The following ERC2 variants were observed in gnomAD, a reference collection of about 807,000 sequenced individuals.
ERC2 encodes ERC protein 2.
ERC2 carries 42 observed loss-of-function variants against 114.8 expected under a neutral mutation model. The ratio of observed to expected loss-of-function variants is 0.37; its 90% CI spans 0.29 to 0.47. The LOEUF is 0.47. Among genes scored for constraint, ERC2 ranks in the 20% least tolerant of loss-of-function variants. ERC2 has a pLI of 0.99. For synonymous variants in ERC2, 454 were observed against 425.5 expected, an observed-to-expected ratio of 1.07 and a Z score of -0.82; for missense variants, 939 against 1,150.7, an observed-to-expected ratio of 0.82 and a Z score of 2.66.
intron 1 of ERC2, among the ~76,000 whole-genome samples, chr3:56,467,332 G>A (rs954839923): frequency 6.6e-6 from 1 of 152,292 alleles, no homozygotes; most frequent in South Asian, 2.1e-4. Context: ...ACCGCTCGGG[G>A]AGTAAATTGC....
intron 14 of ERC2, among the ~76,000 whole-genome samples, chr3:55,877,021 G>A (rs1246495131): frequency 6.6e-6 from 1 of 152,164 alleles, no homozygotes; most frequent in Non-Finnish European, 1.5e-5. Flanking sequence ...AATAAGTCAA[G>A]TTAAATCAGA....
intron 17 of ERC2, among the ~76,000 whole-genome samples, chr3:55,607,265 A>C (rs2058678466): frequency 6.6e-6 from 1 of 152,162 alleles, no homozygotes; most frequent in Non-Finnish European, 1.5e-5. Context: ...TGGAGCACAA[A>C]GCAAAGGCAG....
intron 14 of ERC2, among the ~76,000 whole-genome samples, chr3:55,862,964 C>A (rs1431364031): frequency 1.3e-5 from 2 of 152,124 alleles, no homozygotes; most frequent in Non-Finnish European, 2.9e-5. Flanking sequence ...GAAGCACTGA[C>A]AAGAGGACAT....
intron 17 of ERC2, among the ~76,000 whole-genome samples, chr3:55,638,841 A>G (rs2060059334): frequency 6.6e-6 from 1 of 152,140 alleles, no homozygotes; most frequent in Admixed American, 6.5e-5. Context: ...ATTTCTACTC[A>G]CCAAACTACA....
In ERC2 at chr3:56,445,915, T is replaced by A. The variant is rs574630723; in HGVS notation, c.-140-10768A>T. Among the ~76,000 whole-genome samples, 18 of 152,340 alleles carry A rather than the reference T, an allele frequency of 1.2e-4. No homozygotes were observed. The South Asian group carries it at 3.7e-3, about 32-fold the overall frequency. The stretch of plus-strand genomic sequence containing the variant: ...CTCAAAGCGTAATGCTTTTTTTTTT[T>A]CATGATGTGAAAGACATGCTATCTT... On this transcript the variant is annotated intron_variant, in intron 1 of 17. Transcript: ENST00000288221.
chr3:55,904,610 A>G (rs761547470), intron 13 of ERC2, among the ~76,000 whole-genome samples: 3 of 152,206 alleles, frequency 2.0e-5, no homozygotes, highest in Non-Finnish European at 2.9e-5. Flanking sequence ...AAAAAGCAGG[A>G]ATTCCTAATG....
intron 14 of ERC2, among the ~76,000 whole-genome samples, chr3:55,874,477 G>A (rs556405726): frequency 4.3e-4 from 66 of 152,108 alleles, no homozygotes; most frequent in African/African-American, 1.5e-3. Context: ...TTGGTGCTTT[G>A]ACTTTAGTAT....
chr3:56,286,959 A>G (rs1468288388), intron 3 of ERC2, among the ~76,000 whole-genome samples: 1 of 152,186 alleles, frequency 6.6e-6, no homozygotes, highest in East Asian at 1.9e-4. Flanking sequence ...TCATTCTTAT[A>G]TGTTATAGCT....
intron 2 of ERC2, among the ~76,000 whole-genome samples, chr3:56,315,327 T>G (rs1447822268): frequency 6.6e-6 from 1 of 152,134 alleles, no homozygotes; most frequent in Non-Finnish European, 1.5e-5. Context: ...CTGGAAATGA[T>G]AAGTCACAGG....
chr3:55,590,260 C>T (rs1002725547), intron 17 of ERC2, among the ~76,000 whole-genome samples: 7 of 152,102 alleles, frequency 4.6e-5, no homozygotes, highest in Non-Finnish European at 8.8e-5. Flanking sequence ...CCAAATTTGG[C>T]GAGGTTATAG....
At chr3:55,840,905 A>G (rs77720216) in intron 14 of ERC2, among the ~76,000 whole-genome samples, 3,480 of 152,244 alleles carry the variant, frequency 0.023, 140 homozygotes, top group African/African-American at 0.079. Context: ...GCAAACTACT[A>G]TATAGCAGAG....
intron 17 of ERC2, among the ~76,000 whole-genome samples, chr3:55,541,716 G>A (rs2054406517): frequency 6.6e-6 from 1 of 152,180 alleles, no homozygotes; most frequent in Non-Finnish European, 1.5e-5. Context: ...AAATTGTGAG[G>A]CTAAGTGTCT....
Position 56,115,222 on chromosome 3 carries a change from T to C in ERC2, c.1473+24287A>G, listed in dbSNP as rs1165835717. 2.0e-5 allele frequency among the ~76,000 whole-genome samples: 3 copies of C among 152,148 alleles called. No individual in the cohort carries two copies. In the East Asian group the frequency reaches 5.8e-4, roughly 29 times the overall value. The stretch of plus-strand genomic sequence containing the variant: ...CCTGTCTTGATGAATTGGCTCTATA[T>C]GGGCAGTAGGCAAGATAAACCCATT... On this transcript the variant is annotated intron_variant, in intron 6 of 17. Transcript: ENST00000288221.
At position 55,758,546 on chromosome 3, in the gene ERC2, G is replaced by A. The variant is rs556532826; in HGVS notation, c.2565-23628C>T. ...TCCCAGTGGCCCTATCTTTGGCAGT[G>A]TTCTAACTTTTACAGATGCCTGTCC... On this transcript the variant is annotated intron_variant, in intron 14 of 17. Coordinates refer to ENST00000288221, the MANE Select transcript of ERC2 (RefSeq NM_015576.3). 2.6e-5 allele frequency among the ~76,000 whole-genome samples: 4 copies of A among 152,334 alleles called. No homozygotes were observed. The South Asian group carries it at 6.2e-4, about 24-fold the overall frequency.
rs920779016 is a variant in ERC2, at chr3:55,949,553, G to C, written c.2403+872C>G. 7.9e-5 allele frequency among the ~76,000 whole-genome samples: 12 copies of C among 152,000 alleles called. No individual in the cohort carries two copies. In the East Asian group the frequency reaches 2.3e-3, roughly 30 times the overall value. On this transcript the variant is annotated intron_variant, in intron 13 of 17. Coordinates refer to ENST00000288221, the MANE Select transcript of ERC2 (RefSeq NM_015576.3). ...TCCTCATGTGCCATGCTCTATGCAA[G>C]GTATTTCCTTGTATTTCCTACACTG...
chr3:55,708,335 T>C (rs1375730636), intron 15 of ERC2, among the ~76,000 whole-genome samples: 2 of 152,176 alleles, frequency 1.3e-5, no homozygotes, highest in East Asian at 1.9e-4. Flanking sequence ...CTGAGCACCA[T>C]TGCTAGTGGC....
chr3:55,719,209 T>C (rs2064303487), intron 15 of ERC2, among the ~76,000 whole-genome samples: 1 of 152,122 alleles, frequency 6.6e-6, no homozygotes, highest in Non-Finnish European at 1.5e-5. Flanking sequence ...ATTCCAGCCG[T>C]GACATAGGAG....
intron 4 of ERC2, among the ~76,000 whole-genome samples, chr3:56,171,015 C>T (rs1466684992): frequency 1.3e-5 from 2 of 152,056 alleles, no homozygotes; most frequent in Non-Finnish European, 2.9e-5. Flanking sequence ...CCGCCTGCCT[C>T]GGCCTCCCAA....
chr3:55,530,769 T>C (rs1331918236), intron 17 of ERC2, among the ~76,000 whole-genome samples: 2 of 152,196 alleles, frequency 1.3e-5, no homozygotes, highest in East Asian at 1.9e-4. Flanking sequence ...GGCCCACCAC[T>C]GTCACTTGCT....
Sources: gnomAD v4.1 joint callset for allele counts (sites outside exome capture counted in the v4.1 genomes callset) on GRCh38, gnomAD v4.1.1 for gene constraint, MANE v1.5 for transcripts, NCBI Gene and HGNC (gene_info 2026-07-23, HGNC 2026-07-21) for gene names.